XXYLT1: variants seen among roughly 807,000 people sequenced by gnomAD.
XXYLT1 encodes the protein xyloside xylosyltransferase 1.
Under a neutral mutation model 28.9 loss-of-function variants are expected in XXYLT1, and 20 were observed. The ratio of observed to expected loss-of-function variants is 0.69; its 90% CI spans 0.49 to 1.00. The LOEUF is 1.00. Ranked by LOEUF, XXYLT1 falls within the 50% of genes least tolerant of loss-of-function variation. The pLI is 0.00. For synonymous variants in XXYLT1, 257 were observed against 253.8 expected (o/e 1.01, Z -0.12); for missense variants, 542 against 560.1 (o/e 0.97, Z 0.33).
chr3:195,255,610 C>T lies in XXYLT1; in HGVS notation c.504+14945G>A, dbSNP rs1198615750. Among the ~76,000 whole-genome samples, 1 of 152,184 alleles carries T rather than the reference C, an allele frequency of 6.6e-6. No individual in the cohort carries two copies. Among genetic ancestry groups the T allele is most frequent in the Non-Finnish European group, 1.5e-5 (1 of 68,040 alleles). On this transcript the variant is annotated intron_variant, in intron 1 of 3. Coordinates refer to ENST00000310380, the MANE Select transcript of XXYLT1 (RefSeq NM_152531.5). The surrounding 1 kb of genome is among the most constrained non-coding windows in gnomAD (Gnocchi z 4.5). ...GCTAGAAACCAAAACAGAAGACAAA[C>T]CGGCGCACAGAGCAAGCACAGCGTA...
intron 2 of XXYLT1, among the ~76,000 whole-genome samples, chr3:195,172,581 G>A (rs1312168681): frequency 2.0e-5 from 3 of 152,194 alleles, no homozygotes; most frequent in African/African-American, 7.2e-5. Flanking sequence ...ACCAGGCACT[G>A]CTCTAGCCAC....
chr3:195,069,581 G>A lies in XXYLT1; in HGVS notation c.*134C>T. The A allele has an allele frequency of 3.8e-6, 5 of 1,325,612 alleles. No individual in the cohort carries two copies. Among genetic ancestry groups the A allele is most frequent in the Non-Finnish European group, 5.1e-6 (5 of 976,664 alleles). 82.1% of individuals were successfully genotyped at this position (1,325,612 alleles called of 1,614,324 possible). ...CAGCACAGTGACCTGCCCGGCAGGA[G>A]GTCTCAGCACCTTAATCACAGGACT... On this transcript the variant is annotated 3_prime_UTR_variant, in exon 4 of 4. Transcript: ENST00000310380.
At chr3:195,132,337 C>A (rs1271187113) in intron 3 of XXYLT1, among the ~76,000 whole-genome samples, 3 of 152,046 alleles carry the variant, frequency 2.0e-5, no homozygotes, top group East Asian at 1.9e-4. Context: ...CATGGCAGTG[C>A]GCGCCTATAG....
rs1714673921 is a variant in XXYLT1 at position 195,069,549 on chromosome 3, G to A, written c.*166C>T. On this transcript the variant is annotated 3_prime_UTR_variant, in exon 4 of 4. Transcript: ENST00000310380. ...CAGTGCACAGGCCAGTCCTTGGCGG[G>A]TGGCCTCAGCACAGTGACCTGCCCG... 1 of 970,518 alleles carries A rather than the reference G, an allele frequency of 1.0e-6. No homozygotes were observed. The highest frequency in any genetic ancestry group is 1.6e-5 in the South Asian group (1 of 60,806). 60.1% of individuals were successfully genotyped at this position (970,518 alleles called of 1,614,324 possible).
chr3:195,088,470 C>G (rs1251764055), intron 3 of XXYLT1, among the ~76,000 whole-genome samples: 3 of 142,664 alleles, frequency 2.1e-5, no homozygotes, highest in Non-Finnish European at 4.7e-5. Context: ...AGGGTCCTGT[C>G]TGTTAGAAGG....
chr3:195,219,356 A>C lies in XXYLT1; in HGVS notation c.652+7353T>G, dbSNP rs541242870. Among the ~76,000 whole-genome samples the C allele has an allele frequency of 3.3e-5, 5 of 152,366 alleles. No individual in the cohort carries two copies. In the South Asian group the frequency reaches 1.0e-3, roughly 32 times the overall value. ...AAGTACAAAAAGTACAGAACAAATA[A>C]ATGAAAACTCAATATGGCTTTTACT... On this transcript the variant is annotated intron_variant, in intron 2 of 3. Transcript: ENST00000310380.
chr3:195,080,345 T>G (rs1426166145), intron 3 of XXYLT1, among the ~76,000 whole-genome samples: 3 of 152,068 alleles, frequency 2.0e-5, no homozygotes, highest in African/African-American at 7.2e-5. Context: ...TACTGGGGCT[T>G]GTAGAGGGAG....
chr3:195,270,368 G>A (rs1433311301), intron 1 of XXYLT1, 187 bp downstream of exon 1: 8 of 929,264 alleles, frequency 8.6e-6, no homozygotes, highest in African/African-American at 3.6e-5. Flanking sequence ...CACCAGCTGA[G>A]GGCGTCTGGC....
intron 3 of XXYLT1, among the ~76,000 whole-genome samples, chr3:195,134,769 G>C (rs1214475436): frequency 2.0e-5 from 3 of 152,232 alleles, no homozygotes; most frequent in Non-Finnish European, 2.9e-5. Flanking sequence ...AAGCCTGGCA[G>C]AGAGGAAACG....
rs1725462968 is a variant in XXYLT1 at position 195,256,003 on chromosome 3, TGCCACCCAGCTGACCAGGGGAAGAG to T, written c.504+14527_504+14551del. 1.3e-5 allele frequency among the ~76,000 whole-genome samples: 2 copies of T among 152,244 alleles called. No homozygotes were observed. The highest frequency in any genetic ancestry group is 3.4e-3 in the Middle Eastern group (1 of 294). The stretch of plus-strand genomic sequence containing the variant: ...GCAGCCCTGGGATTCCCCTGTTCTG[TGCCACCCAGCTGACCAGGGGAAGAG>T]GCCACCCAGCCAGCAGCAGGCACAG... On this transcript the variant is annotated intron_variant, in intron 1 of 3. Coordinates refer to ENST00000310380, the MANE Select transcript of XXYLT1 (RefSeq NM_152531.5). This position sits in a 1 kb window ranked among gnomAD's most constrained non-coding sequence, Gnocchi z 4.2.
At chr3:195,084,786 T>C (rs1715628726) in intron 3 of XXYLT1, among the ~76,000 whole-genome samples, 1 of 152,048 alleles carries the variant, frequency 6.6e-6, no homozygotes, top group Admixed American at 6.5e-5. Flanking sequence ...GGCTTCAGGG[T>C]CCAGGATGTG....
At chr3:195,212,512 G>T (rs1460166732) in intron 2 of XXYLT1, among the ~76,000 whole-genome samples, 1 of 152,176 alleles carries the variant, frequency 6.6e-6, no homozygotes, top group African/African-American at 2.4e-5. Flanking sequence ...ACAGGTACAG[G>T]TCAGTGGCCT....
chr3:195,139,863 T>C (rs543656907), intron 3 of XXYLT1, among the ~76,000 whole-genome samples: 118 of 152,326 alleles, frequency 7.7e-4, no homozygotes, highest in Non-Finnish European at 1.3e-3. Context: ...ACAGTCCCTA[T>C]GGACTTCTCC....
At chr3:195,101,564 T>C (rs1716774060) in intron 3 of XXYLT1, among the ~76,000 whole-genome samples, 1 of 152,190 alleles carries the variant, frequency 6.6e-6, no homozygotes, top group Admixed American at 6.5e-5. Context: ...TTGGATAAAA[T>C]ATGGCAGTTA....
chr3:195,245,122 C>T (rs1256122548), intron 1 of XXYLT1, among the ~76,000 whole-genome samples: 1 of 150,840 alleles, frequency 6.6e-6, no homozygotes, highest in East Asian at 2.0e-4. Context: ...GCCAAGATTG[C>T]ACCATTGCTC....
chr3:195,270,951 G>T lies in XXYLT1; in HGVS notation c.108C>A (p.Cys36Ter). The change falls in exon 1 of 4, where the codon TGC becomes TGA. Residue 36 changes from cysteine to a stop codon, truncating the protein, a stop_gained. Transcript: ENST00000310380. LOFTEE classifies it high-confidence loss of function. ...GGCCTGAGCCGAGGTAGTAGAAGGC[G>T]CAGACGGCCAGCGCCGCGGCCAGCA... ...ALLLAAALAVCAFYYLGSGRE... is the reference protein window; with the variant it reads ...ALLLAAALAV The T allele has an allele frequency of 3.4e-6, 5 of 1,488,870 alleles. No homozygotes were observed. Among genetic ancestry groups the T allele is most frequent in the Non-Finnish European group, 4.5e-6 (5 of 1,122,006 alleles). The allele number at this position is 1,488,870 out of a possible 1,614,324, so 92.2% of individuals were successfully genotyped here.
intron 2 of XXYLT1, among the ~76,000 whole-genome samples, chr3:195,175,191 G>A (rs994120405): frequency 8.5e-5 from 13 of 152,170 alleles, no homozygotes; most frequent in African/African-American, 2.7e-4. Flanking sequence ...AGGGCAGAGC[G>A]GTCAGGGAAG....
At chr3:195,182,989 T>C (rs188306300) in intron 2 of XXYLT1, among the ~76,000 whole-genome samples, 7 of 152,362 alleles carry the variant, frequency 4.6e-5, no homozygotes, top group African/African-American at 1.4e-4. Context: ...ACACACTTCA[T>C]CTCCTTTCTT....
chr3:195,214,575 C>T lies in XXYLT1; in HGVS notation c.652+12134G>A, dbSNP rs558748975. On this transcript the variant is annotated intron_variant, in intron 2 of 3. Transcript: ENST00000310380. ...AGGCTGGAAAACCATCTACATACGG[C>T]ATCCACAATCGTAGGGGGGCAGTGG... 5.3e-5 allele frequency among the ~76,000 whole-genome samples: 8 copies of T among 152,300 alleles called. No homozygotes were observed. The East Asian group carries it at 1.5e-3, about 29-fold the overall frequency.
Sources: gnomAD v4.1 joint callset for allele counts (sites outside exome capture counted in the v4.1 genomes callset) on GRCh38, gnomAD v4.1.1 for gene constraint, Gnocchi (gnomAD v3.1) non-coding constraint, MANE v1.5 for transcripts, NCBI Gene and HGNC (gene_info 2026-07-23, HGNC 2026-07-21) for gene names.